Variants in P2RX7 observed in about 807,000 individuals in gnomAD.
The protein encoded by P2RX7 is P2X purinoceptor 7.
Under a neutral mutation model 71.6 loss-of-function variants are expected in P2RX7, and 62 were observed. The observed-to-expected ratio is 0.87, with a 90% CI of 0.71 to 1.07. The LOEUF (loss-of-function observed/expected upper bound fraction) is 1.07, where lower values mean the gene tolerates loss of function less well. Among genes scored for constraint, P2RX7 ranks in the 50% least tolerant of loss-of-function variants. The pLI is 0.00. For missense variants in P2RX7, 686 were observed against 748.5 expected, an observed-to-expected ratio of 0.92 and a Z score of 0.97; for synonymous variants, 299 against 283.3, an observed-to-expected ratio of 1.06 and a Z score of -0.56.
intron 8 of P2RX7, among the ~76,000 whole-genome samples, chr12:121,168,868 G>C (rs537460050): frequency 6.6e-5 from 10 of 152,112 alleles, no homozygotes; most frequent in Non-Finnish European, 1.2e-4. Context: ...TTGAATTCCA[G>C]GTTACTTCCT....
At chr12:121,164,736 C>T (rs879461100) in intron 5 of P2RX7, among the ~76,000 whole-genome samples, 48 of 152,010 alleles carry the variant, frequency 3.2e-4, no homozygotes, top group African/African-American at 1.1e-3. Context: ...GACCCAAGAT[C>T]GCGCCACTGC....
intron 1 of P2RX7, among the ~76,000 whole-genome samples, chr12:121,153,221 G>A (rs1303352107): frequency 1.3e-5 from 2 of 152,198 alleles, no homozygotes; most frequent in African/African-American, 4.8e-5. Context: ...CAGCCAAGGT[G>A]GAGAACAGCT....
chr12:121,162,198 C>T, intron 4 of P2RX7: 2 of 1,311,354 alleles, frequency 1.5e-6, no homozygotes, highest in Non-Finnish European at 2.0e-6. Flanking sequence ...GCAGAATCCA[C>T]AGTCTTTCTG....
chr12:121,136,024 ATAT>A (rs1269341966), intron 1 of P2RX7, among the ~76,000 whole-genome samples: 1 of 11,668 alleles, frequency 8.6e-5, no homozygotes, highest in Admixed American at 3.0e-3. Flanking sequence ...AAAAAAAAAA[ATAT>A]ATATATATAT....
chr12:121,143,109 G>A (rs923924920), intron 1 of P2RX7, among the ~76,000 whole-genome samples: 4 of 149,618 alleles, frequency 2.7e-5, no homozygotes, highest in Non-Finnish European at 4.4e-5. Flanking sequence ...GACTGGGCAC[G>A]GTGGCTCACA....
intron 1 of P2RX7, among the ~76,000 whole-genome samples, chr12:121,152,053 C>A (rs943414146): frequency 6.6e-6 from 1 of 151,106 alleles, no homozygotes; most frequent in Non-Finnish European, 1.5e-5. Context: ...GACCTTGGCC[C>A]CCTGCAACCT....
rs1281670064 is a variant in P2RX7 at position 121,136,023 on chromosome 12, A to ATATATAT, written c.125+2928_125+2929insTATATAT. On this transcript the variant is annotated intron_variant, in intron 1 of 12. Transcript: ENST00000328963. ...TGTCTCAAAAAAAAAAAAAAAAAAAAATATATATATATATATATAGTATTT... is the reference window on the plus strand; with the variant it reads ...TGTCTCAAAAAAAAAAAAAAAAAAAATATATATATATATATATATATATATAGTATTT... 2.3e-3 allele frequency among the ~76,000 whole-genome samples: 35 copies of ATATATAT among 15,240 alleles called. 1 individual carries two copies. Among genetic ancestry groups the ATATATAT allele is most frequent in the African/African-American group, 3.8e-3 (31 of 8,146 alleles). 10.0% of individuals were successfully genotyped at this position (15,240 alleles called of 152,430 possible).
chr12:121,177,544 C>T (rs1453202722), intron 11 of P2RX7, 98 bp downstream of exon 11: 31 of 1,192,078 alleles, frequency 2.6e-5, no homozygotes, highest in Non-Finnish European at 3.8e-5. Context: ...AGGCTTCATC[C>T]TGTAGTGGAT....
At chr12:121,178,088 C>T (rs186524565) in intron 11 of P2RX7, among the ~76,000 whole-genome samples, 4 of 152,268 alleles carry the variant, frequency 2.6e-5, no homozygotes, top group East Asian at 3.9e-4. Flanking sequence ...CTTTGGAGAA[C>T]AATTTGGCAG....
chr12:121,163,607 AGATAGATAG>A lies in P2RX7; in HGVS notation c.533+1088_533+1096del, dbSNP rs1204802800. On this transcript the variant is annotated intron_variant, in intron 5 of 12. Transcript: ENST00000328963. Reference sequence around the variant, plus strand: ...TAGATAGATAGACAGGTAGATAGATAGATAGATAGATAGATAGATAGATAGATAGATAGA... The same window carrying A: ...TAGATAGATAGACAGGTAGATAGATAATAGATAGATAGATAGATAGATAGA... Among the ~76,000 whole-genome samples the A allele has an allele frequency of 1.1e-4, 10 of 87,742 alleles. No homozygotes were observed. The East Asian group carries it at 1.9e-3, about 17-fold the overall frequency. The allele number at this position is 87,742 out of a possible 152,430, so 57.6% of individuals were successfully genotyped here.
At chr12:121,148,193 T>TTTA (rs979589138) in intron 1 of P2RX7, among the ~76,000 whole-genome samples, 1 of 125,524 alleles carries the variant, frequency 8.0e-6, no homozygotes, top group Non-Finnish European at 1.8e-5. Context: ...ATCTTTTTTA[T>TTTA]TTATTTATTT....
Position 121,177,385 on chromosome 12 carries a change from C to T in P2RX7, c.1127C>T (p.Pro376Leu). ...TATCCCTGGTGCAAGTGCTGTCAGC[C>T]CTGTGTGGTCAACGAATACTACTAC... ...HIYPWCKCCQ[P>L]CVVNEYYYRK... Residue 376 changes from proline (P) to leucine (L), a missense_variant, in exon 11 of 13, where the codon CCC becomes CTC. Pro to Leu is a moderately conservative substitution (Grantham distance 98). Coordinates refer to ENST00000328963, the MANE Select transcript of P2RX7 (RefSeq NM_002562.6). 1 of 1,613,960 alleles carries T rather than the reference C, an allele frequency of 6.2e-7. No individual in the cohort carries two copies. The highest frequency in any genetic ancestry group is 8.5e-7 in the Non-Finnish European group (1 of 1,180,032).
At chr12:121,156,010 T>G (rs1453715636) in intron 2 of P2RX7, 69 bp from the exon 3 acceptor site, 1 of 1,396,736 alleles carries the variant, frequency 7.2e-7, no homozygotes, top group African/African-American at 1.4e-5. Flanking sequence ...CCCAGCAAGC[T>G]GGATTATTAT....
Position 121,187,433 on chromosome 12 carries a change from T to A in P2RX7, c.*2631T>A, listed in dbSNP as rs1884985294. ...AGTGGATTACTACATATGATTTCTT[T>A]GGAGCTTACATTTCTTTACTTCACG... On this transcript the variant is annotated 3_prime_UTR_variant, in exon 13 of 13. Coordinates refer to ENST00000328963, the MANE Select transcript of P2RX7 (RefSeq NM_002562.6). 1 of 152,260 alleles carries A rather than the reference T, an allele frequency of 6.6e-6. No individual in the cohort carries two copies. Among genetic ancestry groups the A allele is most frequent in the African/African-American group, 2.4e-5 (1 of 41,472 alleles). The allele number at this position is 152,260 out of a possible 1,614,324, so 9.4% of individuals were successfully genotyped here. A position where few individuals can be genotyped will look rare whatever the true frequency, so the allele number is the denominator to read the frequency against.
At chr12:121,162,391 A>G in intron 4 of P2RX7, 33 bp from the exon 5 acceptor site, 3 of 1,612,788 alleles carry the variant, frequency 1.9e-6, no homozygotes, top group East Asian at 2.2e-5. Context: ...GTTCTTTCAC[A>G]TCTGTGGTTC....
intron 1 of P2RX7, among the ~76,000 whole-genome samples, chr12:121,134,773 T>C (rs146447288): frequency 2.0e-5 from 3 of 151,516 alleles, no homozygotes; most frequent in African/African-American, 7.3e-5. Flanking sequence ...ATTTCCCTGA[T>C]GGTGAGTGCC....
intron 12 of P2RX7, among the ~76,000 whole-genome samples, chr12:121,181,083 T>C (rs1396429659): frequency 6.6e-6 from 1 of 152,190 alleles, no homozygotes; most frequent in Non-Finnish European, 1.5e-5. Context: ...AACTGCCCTC[T>C]CTTAAAAGTA....
rs772281259 is a variant in P2RX7 at position 121,165,394 on chromosome 12, C to A, written c.571C>A (p.Leu191Ile). 6.2e-7 allele frequency: 1 copy of A among 1,614,092 alleles called. No individual in the cohort carries two copies. The highest frequency in any genetic ancestry group is 1.7e-5 in the Admixed American group (1 of 60,006). The change falls in exon 6 of 13, where the codon CTC becomes ATC. Residue 191 changes from leucine (L) to isoleucine (I), a missense_variant. Physicochemically the swap from Leu to Ile is conservative, Grantham distance 5. Coordinates refer to ENST00000328963, the MANE Select transcript of P2RX7 (RefSeq NM_002562.6). ...GAACAGTGCCGAAAACTTCACTGTG[C>A]TCATCAAGAACAATATCGACTTCCC... ...LLNSAENFTV[L>I]IKNNIDFPGH...
intron 7 of P2RX7, 95 bp downstream of exon 7, chr12:121,166,282 T>G: frequency 7.5e-7 from 1 of 1,334,230 alleles, no homozygotes; most frequent in Non-Finnish European, 1.0e-6. Flanking sequence ...GTCTTCATAA[T>G]GTGGCTCACA....
Sources: gnomAD v4.1 joint callset for allele counts (sites outside exome capture counted in the v4.1 genomes callset) on GRCh38, gnomAD v4.1.1 for gene constraint, MANE v1.5 for transcripts, NCBI Gene and HGNC (gene_info 2026-07-23, HGNC 2026-07-21) for gene names.